The following PDS5A variants were observed in gnomAD, a reference collection of about 807,000 sequenced individuals.
PDS5A encodes PDS5 cohesin associated factor A, also known as sister chromatid cohesion protein PDS5 homolog A.
A neutral mutation model predicts 167.1 loss-of-function variants in PDS5A; 42 were observed. The ratio of observed to expected loss-of-function variants is 0.25; its 90% CI spans 0.20 to 0.33. The LOEUF (loss-of-function observed/expected upper bound fraction) is 0.33, where lower values mean the gene tolerates loss of function less well. PDS5A is among the 10% of genes least tolerant of loss of function. The pLI is 1.00. For missense variants in PDS5A, 1,033 were observed against 1,605.9 expected (o/e 0.64, Z 6.10); for synonymous variants, 553 against 554.6 (o/e 1.00, Z 0.04).
chr4:39,926,657 A>T, intron 4 of PDS5A, 118 bp downstream of exon 4: 1 of 678,070 alleles, frequency 1.5e-6, no homozygotes, highest in Admixed American at 4.4e-5. Flanking sequence ...AATGTAAAAG[A>T]CATTTTATTA....
At chr4:39,914,067 TAC>T (rs1182184104) in intron 8 of PDS5A, among the ~76,000 whole-genome samples, 2 of 152,076 alleles carry the variant, frequency 1.3e-5, no homozygotes, top group South Asian at 4.1e-4. Context: ...AGGACAAAGT[TAC>T]AGTTACCACC....
chr4:39,877,608 C>CAAAAA (rs1188512449), intron 18 of PDS5A, among the ~76,000 whole-genome samples: 14 of 151,836 alleles, frequency 9.2e-5, no homozygotes, highest in African/African-American at 3.4e-4. Context: ...CTTTGACTGG[C>CAAAAA]AAAAAGATAA....
At chr4:39,858,536 C>T (rs755750505) in intron 26 of PDS5A, among the ~76,000 whole-genome samples, 2 of 152,184 alleles carry the variant, frequency 1.3e-5, no homozygotes, top group Non-Finnish European at 2.9e-5. Flanking sequence ...GAATGTTTAC[C>T]TTATACCACA....
At chr4:39,919,435 G>T (rs1724709337) in intron 7 of PDS5A, among the ~76,000 whole-genome samples, 1 of 152,128 alleles carries the variant, frequency 6.6e-6, no homozygotes, top group Non-Finnish European at 1.5e-5. Context: ...CACGAGGTCA[G>T]GAGATCAAGA....
chr4:39,927,661 A>G (rs1725588423), intron 3 of PDS5A, among the ~76,000 whole-genome samples: 1 of 152,174 alleles, frequency 6.6e-6, no homozygotes, highest in Non-Finnish European at 1.5e-5. Context: ...TTAATCTGCT[A>G]TTTATCCCTG....
intron 23 of PDS5A, among the ~76,000 whole-genome samples, chr4:39,864,192 A>G (rs919023717): frequency 6.7e-6 from 1 of 150,198 alleles, no homozygotes; most frequent in South Asian, 2.1e-4. Flanking sequence ...ACAAAGAATT[A>G]AAAAAAAAAT....
intron 2 of PDS5A, among the ~76,000 whole-genome samples, chr4:39,938,198 T>A (rs1006322248): frequency 2.0e-5 from 3 of 152,222 alleles, no homozygotes; most frequent in African/African-American, 4.8e-5. Context: ...CTGAACCTAC[T>A]CAAGTTTGGA....
intron 13 of PDS5A, among the ~76,000 whole-genome samples, chr4:39,901,266 C>CTTTTTTTTTTTT (rs772230554): frequency 4.1e-5 from 5 of 121,276 alleles, no homozygotes; most frequent in Non-Finnish European, 5.0e-5. Flanking sequence ...TCTTTTCTTT[C>CTTTTTTTTTTTT]TTTTTTTTTT....
At chr4:39,946,265 G>A (rs1464522530) in intron 2 of PDS5A, among the ~76,000 whole-genome samples, 1 of 150,280 alleles carries the variant, frequency 6.7e-6, no homozygotes, top group African/African-American at 2.4e-5. Context: ...AAGCAGACAA[G>A]CGTACATATG....
intron 2 of PDS5A, among the ~76,000 whole-genome samples, chr4:39,961,171 G>A (rs912245616): frequency 8.5e-5 from 13 of 152,074 alleles, no homozygotes; most frequent in South Asian, 4.1e-4. Flanking sequence ...ATATTGTAAC[G>A]AACTGTAGAA....
At chr4:39,940,297 G>A (rs1444659834) in intron 2 of PDS5A, among the ~76,000 whole-genome samples, 2 of 152,024 alleles carry the variant, frequency 1.3e-5, no homozygotes, top group African/African-American at 2.4e-5. Flanking sequence ...AGAAAACCAA[G>A]GAGACTGCAT....
chr4:39,854,029 C>A (rs566807992), intron 26 of PDS5A, among the ~76,000 whole-genome samples: 5 of 152,266 alleles, frequency 3.3e-5, no homozygotes, highest in South Asian at 2.1e-4. Flanking sequence ...AGGATGCGTG[C>A]GGTGGCTCAC....
chr4:39,941,991 T>G (rs1285821270), intron 2 of PDS5A, among the ~76,000 whole-genome samples: 2 of 152,186 alleles, frequency 1.3e-5, no homozygotes, highest in Non-Finnish European at 2.9e-5. Context: ...TAGATTCCAT[T>G]GCCAAAATGC....
chr4:39,931,062 C>A (rs1203249316), intron 2 of PDS5A, among the ~76,000 whole-genome samples: 1 of 152,132 alleles, frequency 6.6e-6, no homozygotes, highest in South Asian at 2.1e-4. Context: ...AATCCCAGCA[C>A]TTTGGGAGGC....
At chr4:39,858,259 C>A (rs1410775553) in intron 26 of PDS5A, among the ~76,000 whole-genome samples, 1 of 152,066 alleles carries the variant, frequency 6.6e-6, no homozygotes, top group South Asian at 2.1e-4. Flanking sequence ...CAGGAAATAT[C>A]AAAAGCCAAA....
chr4:39,835,942 A>G (rs867706511), intron 32 of PDS5A, among the ~76,000 whole-genome samples: 6 of 152,308 alleles, frequency 3.9e-5, no homozygotes, highest in South Asian at 4.1e-4. Context: ...TAGGTGAAGA[A>G]TAGGACAGAT....
chr4:39,965,541 C>T (rs185628379), intron 2 of PDS5A, among the ~76,000 whole-genome samples: 42 of 152,268 alleles, frequency 2.8e-4, no homozygotes, highest in Non-Finnish European at 5.1e-4. Flanking sequence ...GTGGTACATA[C>T]ATACAATGGA....
intron 11 of PDS5A, among the ~76,000 whole-genome samples, chr4:39,904,993 C>G (rs1158777142): frequency 6.6e-6 from 1 of 152,118 alleles, no homozygotes; most frequent in Non-Finnish European, 1.5e-5. Flanking sequence ...CGGATAAGAA[C>G]AAAGTTCACT....
intron 18 of PDS5A, among the ~76,000 whole-genome samples, 187 bp downstream of exon 18, chr4:39,879,541 A>G (rs1720763596): frequency 6.6e-6 from 1 of 152,196 alleles, no homozygotes; most frequent in Non-Finnish European, 1.5e-5. Flanking sequence ...TTAATTTATA[A>G]TGTAAAATAA....
Sources: allele counts gnomAD v4.1 joint callset (sites outside exome capture counted in the v4.1 genomes callset), GRCh38; gene constraint gnomAD v4.1.1; transcripts MANE v1.5; gene names NCBI Gene and HGNC (gene_info 2026-07-23, HGNC 2026-07-21).